The following DNM3 variants were observed in gnomAD, a reference collection of about 807,000 sequenced individuals.
DNM3 encodes the protein dynamin-3.
Under a neutral mutation model 101.6 loss-of-function variants are expected in DNM3, and 47 were observed. The ratio of observed to expected loss-of-function variants is 0.46; its 90% CI spans 0.37 to 0.59. DNM3 has a LOEUF of 0.59. DNM3 is among the 20% of genes least tolerant of loss of function. The probability of loss-of-function intolerance (pLI) is 0.00; values close to 1 mark genes in which losing one functional copy is unlikely to be tolerated. For missense variants in DNM3, 849 were observed against 1,085.7 expected, an observed-to-expected ratio of 0.78 and a Z score of 3.06; for synonymous variants, 385 against 387.9, an observed-to-expected ratio of 0.99 and a Z score of 0.09.
chr1:171,841,935 T>G (rs1571199449), intron 1 of DNM3, 118 bp downstream of exon 1: 25 of 445,926 alleles, frequency 5.6e-5, no homozygotes, highest in South Asian at 1.3e-4. Context: ...TGCGGTGGAA[T>G]GGGGGGCAGA....
At position 172,211,166 on chromosome 1, in the gene DNM3, G is replaced by A. The variant is rs2060500085; in HGVS notation, c.1660-42407G>A. 2.0e-5 allele frequency among the ~76,000 whole-genome samples: 3 copies of A among 152,146 alleles called. No homozygotes were observed. In the South Asian group the frequency reaches 6.2e-4, roughly 32 times the overall value. ...ATAAAGATATTTAGGAAGCAAAGTA[G>A]CATTATTGCTTAACAAATACCTTGA... is the stretch of plus-strand genomic sequence containing the variant. On this transcript the variant is annotated intron_variant, in intron 14 of 20. Coordinates refer to ENST00000627582, the MANE Select transcript of DNM3 (RefSeq NM_015569.5).
At chr1:172,096,008 G>A (rs2054221886) in intron 13 of DNM3, among the ~76,000 whole-genome samples, 1 of 152,102 alleles carries the variant, frequency 6.6e-6, no homozygotes. Flanking sequence ...TCAATCACAG[G>A]CCTCACCCTC....
chr1:172,307,773 A>G (rs1030127528), intron 15 of DNM3, among the ~76,000 whole-genome samples: 5 of 152,136 alleles, frequency 3.3e-5, no homozygotes, highest in Non-Finnish European at 7.3e-5. Context: ...TATCACAAGG[A>G]CAGAAAACCA....
At chr1:172,367,234 C>G (rs1160219451) in intron 17 of DNM3, among the ~76,000 whole-genome samples, 1 of 151,628 alleles carries the variant, frequency 6.6e-6, no homozygotes, top group Non-Finnish European at 1.5e-5. Flanking sequence ...AGATGTTAGC[C>G]AAGAATACTA....
intron 1 of DNM3, among the ~76,000 whole-genome samples, chr1:171,914,816 T>G (rs921794684): frequency 6.6e-6 from 1 of 152,028 alleles, no homozygotes; most frequent in Non-Finnish European, 1.5e-5. Context: ...ATGTAGAAAG[T>G]GTAAAAAATA....
chr1:172,028,128 C>T (rs960707418), intron 4 of DNM3, among the ~76,000 whole-genome samples: 1 of 152,162 alleles, frequency 6.6e-6, no homozygotes, highest in Non-Finnish European at 1.5e-5. Flanking sequence ...TTTCTCAGCA[C>T]CACATCACAC....
chr1:172,328,521 G>A (rs995130601), intron 17 of DNM3, among the ~76,000 whole-genome samples: 2 of 152,164 alleles, frequency 1.3e-5, no homozygotes, highest in Non-Finnish European at 2.9e-5. Flanking sequence ...AATTAATGCA[G>A]TAACAGAAAA....
rs1282271685 is a variant in DNM3 at position 171,896,009 on chromosome 1, G to GGT, written c.162-25738_162-25737dup. 2.6e-5 allele frequency among the ~76,000 whole-genome samples: 4 copies of GGT among 152,058 alleles called. No individual in the cohort carries two copies. The East Asian group carries it at 7.7e-4, about 29-fold the overall frequency. ...TTCCATTGATCTATATCTCTGTTTT[G>GGT]GTACCAGTACCATGCTGTTTTGGTT... On this transcript the variant is annotated intron_variant, in intron 1 of 20. Transcript: ENST00000627582.
intron 13 of DNM3, among the ~76,000 whole-genome samples, chr1:172,125,826 C>G (rs1481342043): frequency 6.6e-6 from 1 of 152,072 alleles, no homozygotes; most frequent in Non-Finnish European, 1.5e-5. Context: ...TTTATTTTGG[C>G]AGTTTTAAAT....
intron 2 of DNM3, among the ~76,000 whole-genome samples, chr1:171,930,469 T>C (rs1455917175): frequency 6.6e-6 from 1 of 152,218 alleles, no homozygotes; most frequent in Non-Finnish European, 1.5e-5. Context: ...CTAAGGCTCC[T>C]GGTCTCTGCA....
chr1:172,134,253 G>T (rs1021623506), intron 14 of DNM3, among the ~76,000 whole-genome samples: 2 of 152,136 alleles, frequency 1.3e-5, no homozygotes, highest in African/African-American at 4.8e-5. Context: ...GAACTCTCAA[G>T]AAACAAGACA....
chr1:171,848,793 A>G (rs1171540202), intron 1 of DNM3, among the ~76,000 whole-genome samples: 1 of 152,224 alleles, frequency 6.6e-6, no homozygotes, highest in Admixed American at 6.5e-5. Flanking sequence ...AAGCATTAAT[A>G]TTGCATTGTC....
chr1:172,406,606 A>G (rs1390493261), intron 20 of DNM3, among the ~76,000 whole-genome samples: 1 of 151,990 alleles, frequency 6.6e-6, no homozygotes, highest in Non-Finnish European at 1.5e-5. Flanking sequence ...TTAATCAACA[A>G]TATCTCTCCT....
At chr1:171,930,896 A>C (rs1236598717) in intron 2 of DNM3, among the ~76,000 whole-genome samples, 1 of 152,192 alleles carries the variant, frequency 6.6e-6, no homozygotes, top group African/African-American at 2.4e-5. Flanking sequence ...TGTGATGAAC[A>C]ATCCAAAAAC....
At chr1:171,973,777 C>T (rs765993287) in intron 2 of DNM3, among the ~76,000 whole-genome samples, 20 of 151,916 alleles carry the variant, frequency 1.3e-4, no homozygotes, top group Non-Finnish European at 2.1e-4. Context: ...GATGCTCCCA[C>T]CTCAGCCTTC....
At chr1:171,998,446 A>C (rs559369692) in intron 4 of DNM3, among the ~76,000 whole-genome samples, 6 of 152,274 alleles carry the variant, frequency 3.9e-5, no homozygotes, top group South Asian at 4.1e-4. Context: ...TCACTTTTCC[A>C]TATCAGTTTT....
intron 14 of DNM3, among the ~76,000 whole-genome samples, chr1:172,225,431 G>T (rs1055437451): frequency 1.3e-5 from 2 of 151,866 alleles, no homozygotes; most frequent in Non-Finnish European, 2.9e-5. Flanking sequence ...CACCGTACCC[G>T]ACCGTCCCTC....
intron 20 of DNM3, among the ~76,000 whole-genome samples, chr1:172,395,580 A>C (rs2069916673): frequency 6.6e-6 from 1 of 152,232 alleles, no homozygotes; most frequent in Non-Finnish European, 1.5e-5. Context: ...ACATGCCTTA[A>C]ATGCCTACCT....
intron 1 of DNM3, among the ~76,000 whole-genome samples, chr1:171,846,721 C>T (rs2032162486): frequency 6.6e-6 from 1 of 152,098 alleles, no homozygotes; most frequent in Admixed American, 6.5e-5. Flanking sequence ...TCTGCATGGC[C>T]AAAGTTTTGC....
Sources: allele counts gnomAD v4.1 joint callset (sites outside exome capture counted in the v4.1 genomes callset), GRCh38; gene constraint gnomAD v4.1.1; transcripts MANE v1.5; gene names NCBI Gene and HGNC (gene_info 2026-07-23, HGNC 2026-07-21).